GSTO2: variants seen among roughly 807,000 people sequenced by gnomAD.
GSTO2 encodes the protein glutathione S-transferase omega-2.
A neutral mutation model predicts 28.4 loss-of-function variants in GSTO2; 23 were observed. The ratio of observed to expected loss-of-function variants is 0.81; its 90% confidence interval spans 0.58 to 1.15. The LOEUF (loss-of-function observed/expected upper bound fraction) is 1.15. GSTO2 is among the 50% of genes most tolerant of loss of function. The pLI is 0.00. For synonymous variants in GSTO2, 109 were observed against 111.0 expected, an observed-to-expected ratio of 0.98 and a Z score of 0.11; for missense variants, 298 against 297.8, an observed-to-expected ratio of 1.00 and a Z score of 0.00.
chr10:104,290,776 G>A (rs2012726028), intron 5 of GSTO2, among the ~76,000 whole-genome samples: 2 of 151,682 alleles, frequency 1.3e-5, no homozygotes, highest in East Asian at 1.9e-4. Flanking sequence ...GGGAGGTGGG[G>A]ATGGTTAATG....
At chr10:104,277,219 A>G (rs1564843881) in intron 3 of GSTO2, among the ~76,000 whole-genome samples, 1 of 152,000 alleles carries the variant, frequency 6.6e-6, no homozygotes, top group East Asian at 1.9e-4. Context: ...TGTAGAATGT[A>G]CTAAACTCTC....
At chr10:104,296,269 T>C (rs950838879) in intron 5 of GSTO2, 1 of 151,888 alleles carries the variant, frequency 6.6e-6, no homozygotes, top group Admixed American at 6.6e-5. Flanking sequence ...GTAATAGTGT[T>C]GAGTGGCCAA....
At chr10:104,285,335 C>T (rs2012355696) in intron 5 of GSTO2, among the ~76,000 whole-genome samples, 1 of 152,200 alleles carries the variant, frequency 6.6e-6, no homozygotes, top group Admixed American at 6.6e-5. Flanking sequence ...GTGGCACAGT[C>T]ATGGCTCACT....
intron 5 of GSTO2, among the ~76,000 whole-genome samples, chr10:104,285,505 A>C (rs1181179593): frequency 6.6e-6 from 1 of 152,150 alleles, no homozygotes; most frequent in South Asian, 2.1e-4. Flanking sequence ...ATTGGAGTGC[A>C]GTGACACAAT....
chr10:104,270,074 C>T (rs1180845874), intron 1 of GSTO2, among the ~76,000 whole-genome samples: 2 of 150,520 alleles, frequency 1.3e-5, no homozygotes, highest in African/African-American at 4.9e-5. Flanking sequence ...ACTGCAGTGG[C>T]GCGATCTCGG....
intron 4 of GSTO2, 120 bp from the exon 5 acceptor site, chr10:104,279,250 G>A: frequency 1.4e-6 from 1 of 723,500 alleles, no homozygotes. Flanking sequence ...GAGCTGGGGG[G>A]TCTGATGTGG....
In GSTO2 at chr10:104,301,352, TGGG is replaced by T. The variant is rs1564855785; in HGVS notation, c.*2071_*2073del. ...ATTATAGAATGGAGAAAAGCACTCA[TGGG>T]GGAGGTTTGCAGCCTGGTGGCCTAT... On this transcript the variant is annotated 3_prime_UTR_variant, in exon 7 of 7. Coordinates refer to ENST00000338595, the MANE Select transcript of GSTO2 (RefSeq NM_183239.2). The T allele has an allele frequency of 6.6e-6, 1 of 152,206 alleles. No individual in the cohort carries two copies. Among genetic ancestry groups the T allele is most frequent in the Non-Finnish European group, 1.5e-5 (1 of 68,042 alleles). The allele number at this position is 152,206 out of a possible 1,614,324, so 9.4% of individuals were successfully genotyped here. A position where few individuals can be genotyped will look rare whatever the true frequency, so the allele number is the denominator to read the frequency against.
chr10:104,271,952 A>G (rs753203989), intron 1 of GSTO2, among the ~76,000 whole-genome samples: 15 of 152,254 alleles, frequency 9.9e-5, no homozygotes, highest in Non-Finnish European at 4.4e-5. Context: ...TCAATATCTA[A>G]GAATGATTTT....
Position 104,303,825 on chromosome 10 carries a change from A to G in GSTO2, c.*4541A>G, listed in dbSNP as rs2013328670. 6.6e-6 allele frequency: 1 copy of G among 152,248 alleles called. No individual in the cohort carries two copies. The highest frequency in any genetic ancestry group is 2.4e-5 in the African/African-American group (1 of 41,462). 9.4% of individuals were successfully genotyped at this position (152,248 alleles called of 1,614,324 possible). A position where few individuals can be genotyped will look rare whatever the true frequency, so the allele number is the denominator to read the frequency against. On this transcript the variant is annotated 3_prime_UTR_variant, in exon 7 of 7. Transcript: ENST00000338595. ...CTGAGTATTAAAGTAGATTTAATCTAAATCATAAAGTACAAGCTAGAGCAA... is the reference window on the plus strand; with the variant it reads ...CTGAGTATTAAAGTAGATTTAATCTGAATCATAAAGTACAAGCTAGAGCAA...
chr10:104,289,529 G>T (rs2012654922), intron 5 of GSTO2, among the ~76,000 whole-genome samples: 1 of 152,172 alleles, frequency 6.6e-6, no homozygotes, highest in Admixed American at 6.6e-5. Context: ...GGTCATAACT[G>T]ATGGGCAGCA....
chr10:104,273,574 C>T (rs2011506792), intron 1 of GSTO2, among the ~76,000 whole-genome samples: 1 of 152,320 alleles, frequency 6.6e-6, no homozygotes, highest in African/African-American at 2.4e-5. Context: ...TTATAAGCTA[C>T]ATAATTAGGC....
rs768279768 is a variant in GSTO2 at position 104,272,587 on chromosome 10, C to CTTTTTTTTTT, written c.-231-2063_-231-2054dup. ...GAATCAAAATAGAACAGTTATGGGA[C>CTTTTTTTTTT]TTTTTTTTTTTTTTTTTTTTTTTTT... On this transcript the variant is annotated intron_variant, in intron 1 of 6. Transcript: ENST00000338595. Among the ~76,000 whole-genome samples, 172 of 49,292 alleles carry CTTTTTTTTTT rather than the reference C, an allele frequency of 3.5e-3. 46 individuals carry two copies. The highest frequency in any genetic ancestry group is 5.2e-3 in the Admixed American group (15 of 2,886). The allele number at this position is 49,292 out of a possible 152,430, so 32.3% of individuals were successfully genotyped here.
intron 5 of GSTO2, among the ~76,000 whole-genome samples, chr10:104,285,223 T>C (rs1220649021): frequency 1.3e-5 from 2 of 152,236 alleles, no homozygotes; most frequent in African/African-American, 4.8e-5. Flanking sequence ...AAATACTTTA[T>C]TGATTCTAAA....
At chr10:104,292,809 T>C (rs774362110) in intron 5 of GSTO2, among the ~76,000 whole-genome samples, 33 of 152,300 alleles carry the variant, frequency 2.2e-4, no homozygotes, top group Middle Eastern at 3.4e-3. Flanking sequence ...TAGAATTCTT[T>C]AAAAGGATGG....
rs2013351457 is a variant in GSTO2, at chr10:104,304,763, G to C, written c.*5479G>C. 6.6e-6 allele frequency: 1 copy of C among 152,134 alleles called. No homozygotes were observed. The highest frequency in any genetic ancestry group is 2.4e-5 in the African/African-American group (1 of 41,400). The allele number at this position is 152,134 out of a possible 1,614,324, so 9.4% of individuals were successfully genotyped here. A position where few individuals can be genotyped will look rare whatever the true frequency, so the allele number is the denominator to read the frequency against. On this transcript the variant is annotated 3_prime_UTR_variant, in exon 7 of 7. Coordinates refer to ENST00000338595, the MANE Select transcript of GSTO2 (RefSeq NM_183239.2). Reference sequence around the variant, plus strand: ...TTGCACATGGCTTGATTCATGGTTTGGAGTTGTTTTCTGGTTGTTTCCTGT... The same window carrying C: ...TTGCACATGGCTTGATTCATGGTTTCGAGTTGTTTTCTGGTTGTTTCCTGT...
chr10:104,280,592 G>A (rs2011978662), intron 5 of GSTO2, among the ~76,000 whole-genome samples: 2 of 152,194 alleles, frequency 1.3e-5, no homozygotes, highest in Non-Finnish European at 2.9e-5. Flanking sequence ...GGAAATGGGT[G>A]CGGTGGCAGG....
intron 2 of GSTO2, 68 bp downstream of exon 2, chr10:104,275,017 G>A: frequency 6.4e-7 from 1 of 1,550,880 alleles, no homozygotes; most frequent in Non-Finnish European, 8.7e-7. Flanking sequence ...CTTCGGCGGA[G>A]CTGCCTGGCC....
At position 104,297,685 on chromosome 10, in the gene GSTO2, G is replaced by A; in HGVS notation, c.575+1G>A. On this transcript the variant is annotated splice_donor_variant, in intron 6 of 6. Coordinates refer to ENST00000338595, the MANE Select transcript of GSTO2 (RefSeq NM_183239.2). LOFTEE classifies it high-confidence loss of function. ...GGCTGGATGTGTATGGGATACTGGA[G>A]TAAGACATTTGACATTGTGGTGTTA... The A allele has an allele frequency of 6.2e-7, 1 of 1,601,100 alleles. No homozygotes were observed. Among genetic ancestry groups the A allele is most frequent in the South Asian group, 1.1e-5 (1 of 90,758 alleles).
At chr10:104,284,894 G>C (rs372814508) in intron 5 of GSTO2, among the ~76,000 whole-genome samples, 10 of 152,330 alleles carry the variant, frequency 6.6e-5, no homozygotes, top group African/African-American at 2.2e-4. Flanking sequence ...TCTGCACTCT[G>C]ACTATTGCTT....
Sources: allele counts gnomAD v4.1 joint callset (sites outside exome capture counted in the v4.1 genomes callset), GRCh38; gene constraint gnomAD v4.1.1; transcripts MANE v1.5; gene names NCBI Gene and HGNC (gene_info 2026-07-23, HGNC 2026-07-21).